Variants in GTF3C3 observed in about 807,000 individuals in gnomAD.
GTF3C3 encodes the protein general transcription factor 3C polypeptide 3.
GTF3C3 carries 75 observed loss-of-function variants against 105.2 expected under a neutral mutation model. That is an observed-to-expected ratio of 0.71 (90% CI 0.59 to 0.86). The LOEUF (loss-of-function observed/expected upper bound fraction) is 0.86. Ranked by LOEUF, GTF3C3 falls within the 40% of genes least tolerant of loss-of-function variation. GTF3C3 has a pLI of 0.00. For missense variants in GTF3C3, 856 were observed against 1,076.5 expected (o/e 0.80, Z 2.87); for synonymous variants, 335 against 370.4 (o/e 0.90, Z 1.10).
intron 8 of GTF3C3, 104 bp downstream of exon 8, chr2:196,784,747 GAACATT>G (rs1275101477): frequency 7.8e-7 from 1 of 1,286,106 alleles, no homozygotes; most frequent in Admixed American, 3.2e-5. Context: ...CTTATTATGA[GAACATT>G]AACTATCAAC....
rs1336485802 is a variant in GTF3C3 at position 196,764,546 on chromosome 2, T to G, written c.*17A>C. On this transcript the variant is annotated 3_prime_UTR_variant, in exon 18 of 18. Coordinates refer to ENST00000263956, the MANE Select transcript of GTF3C3 (RefSeq NM_012086.5). ...TCACACAGCAGCTGCCATTGCTCTGTTCTCAGTTGCGGTGCTTTATATAGA... is the reference window on the plus strand; with the variant it reads ...TCACACAGCAGCTGCCATTGCTCTGGTCTCAGTTGCGGTGCTTTATATAGA... 3 of 1,611,526 alleles carry G rather than the reference T, an allele frequency of 1.9e-6. No homozygotes were observed. Among genetic ancestry groups the G allele is most frequent in the Non-Finnish European group, 1.7e-6 (2 of 1,178,388 alleles).
chr2:196,778,139 G>C (rs1268313669), intron 10 of GTF3C3: 1 of 152,136 alleles, frequency 6.6e-6, no homozygotes, highest in Non-Finnish European at 1.5e-5. Flanking sequence ...TAATACTTAA[G>C]AGCCATTAGT....
At chr2:196,789,575 T>C (rs893340090) in intron 5 of GTF3C3, among the ~76,000 whole-genome samples, 2 of 152,214 alleles carry the variant, frequency 1.3e-5, no homozygotes, top group African/African-American at 4.8e-5. Context: ...AGTAATCTTC[T>C]TAATGTGGTC....
chr2:196,764,793 TA>T, intron 17 of GTF3C3, 108 bp from the exon 18 acceptor site: 5 of 942,080 alleles, frequency 5.3e-6, no homozygotes, highest in Non-Finnish European at 7.9e-6. Context: ...CAAAAGGTAT[TA>T]AAGCTCATGT....
Position 196,780,792 on chromosome 2 carries a change from T to TA in GTF3C3, c.1115-131dup, listed in dbSNP as rs1472027538. The TA allele has an allele frequency of 1.1e-5, 12 of 1,112,416 alleles. No individual in the cohort carries two copies. In the African/African-American group the frequency reaches 1.4e-4, roughly 13 times the overall value. The allele number at this position is 1,112,416 out of a possible 1,614,324, so 68.9% of individuals were successfully genotyped here. ...CAATTCTTAGTGTGGCCAACTCTAT[T>TA]AATAAGTTCTTATATCTCTCTCAGT... On this transcript the variant is annotated intron_variant, in intron 8 of 17. Coordinates refer to ENST00000263956, the MANE Select transcript of GTF3C3 (RefSeq NM_012086.5).
In GTF3C3 at chr2:196,773,064, G is replaced by A. The variant is rs562002510; in HGVS notation, c.1921C>T (p.Arg641Ter). 3.1e-6 allele frequency: 5 copies of A among 1,612,854 alleles called. No homozygotes were observed. Among genetic ancestry groups the A allele is most frequent in the African/African-American group, 1.3e-5 (1 of 74,966 alleles). ...ACAAGCAACTCAGCCTCTTGAAATCGGGATAGGTCACATAAGGAGTATATG... is the reference window on the plus strand; with the variant it reads ...ACAAGCAACTCAGCCTCTTGAAATCAGGATAGGTCACATAAGGAGTATATG... ...KAIYSLCDLS[R>*]FQEAELLVDS... Residue 641 changes from arginine (R) to a stop codon, truncating the protein, a stop_gained, in exon 14 of 18, where the codon CGA becomes TGA. Transcript: ENST00000263956. LOFTEE classifies it high-confidence loss of function.
chr2:196,779,320 G>T (rs1405332781), intron 9 of GTF3C3, among the ~76,000 whole-genome samples: 2 of 151,942 alleles, frequency 1.3e-5, no homozygotes, highest in Non-Finnish European at 2.9e-5. Flanking sequence ...TAGAGACAAG[G>T]TTTCACCATG....
chr2:196,781,788 G>A (rs989869187), intron 8 of GTF3C3, among the ~76,000 whole-genome samples: 3 of 152,078 alleles, frequency 2.0e-5, no homozygotes, highest in African/African-American at 7.2e-5. Flanking sequence ...CAACGAGAGA[G>A]CAGAATTTAC....
chr2:196,789,820 T>C, intron 5 of GTF3C3, 59 bp downstream of exon 5: 1 of 1,073,098 alleles, frequency 9.3e-7, no homozygotes, highest in Admixed American at 2.5e-5. Flanking sequence ...AATACAATGA[T>C]CAAAAAACCT....
chr2:196,765,781 C>T lies in GTF3C3; in HGVS notation c.2538+784G>A, dbSNP rs536577791. Reference sequence around the variant, plus strand: ...ATCCCAGCACTTTGGGAGGCTGAGGCGGGCGGATCACAAGGTCAGGAGATC... The same window carrying T: ...ATCCCAGCACTTTGGGAGGCTGAGGTGGGCGGATCACAAGGTCAGGAGATC... On this transcript the variant is annotated intron_variant, in intron 17 of 17. Coordinates refer to ENST00000263956, the MANE Select transcript of GTF3C3 (RefSeq NM_012086.5). Among the ~76,000 whole-genome samples, 30 of 151,668 alleles carry T rather than the reference C, an allele frequency of 2.0e-4. 1 individual carries two copies. Among genetic ancestry groups the T allele is most frequent in the Admixed American group, 9.2e-4 (14 of 15,242 alleles).
At chr2:196,795,041 T>C (rs1181641546) in intron 2 of GTF3C3, among the ~76,000 whole-genome samples, 3 of 150,200 alleles carry the variant, frequency 2.0e-5, no homozygotes, top group Non-Finnish European at 4.4e-5. Context: ...TTTTTTGTTT[T>C]GTTTTGTTTT....
At chr2:196,796,678 CA>C (rs1699651737) in intron 2 of GTF3C3, among the ~76,000 whole-genome samples, 1 of 152,132 alleles carries the variant, frequency 6.6e-6, no homozygotes, top group African/African-American at 2.4e-5. Flanking sequence ...ACCCCTAATC[CA>C]AAAGGCCCCA....
chr2:196,769,173 T>G (rs1699126293), intron 16 of GTF3C3, among the ~76,000 whole-genome samples: 1 of 152,164 alleles, frequency 6.6e-6, no homozygotes, highest in African/African-American at 2.4e-5. Context: ...TCATACCTAG[T>G]TTCAACTGTT....
rs1170010914 is a variant in GTF3C3 at position 196,764,387 on chromosome 2, A to T, written c.*176T>A. 3.9e-6 allele frequency: 2 copies of T among 509,496 alleles called. No homozygotes were observed. Among genetic ancestry groups the T allele is most frequent in the Non-Finnish European group, 6.5e-6 (2 of 308,650 alleles). The allele number at this position is 509,496 out of a possible 1,614,324, so 31.6% of individuals were successfully genotyped here. A position where few individuals can be genotyped will look rare whatever the true frequency, so the allele number is the denominator to read the frequency against. On this transcript the variant is annotated 3_prime_UTR_variant, in exon 18 of 18. Coordinates refer to ENST00000263956, the MANE Select transcript of GTF3C3 (RefSeq NM_012086.5). ...GACCAATATACAAATTTTTGTAGGA[A>T]TAATTTTGCATATATACCACAAGAT...
intron 9 of GTF3C3, among the ~76,000 whole-genome samples, chr2:196,779,739 GT>G (rs1223575194): frequency 6.6e-6 from 1 of 152,072 alleles, no homozygotes; most frequent in East Asian, 1.9e-4. Flanking sequence ...TTGTTTGTTT[GT>G]TTTTGAGACA....
chr2:196,773,821 G>C (rs1474087820), intron 13 of GTF3C3: 1 of 219,710 alleles, frequency 4.6e-6, no homozygotes, highest in African/African-American at 2.3e-5. Context: ...TTTACAATAG[G>C]GTTTGCACTC....
intron 2 of GTF3C3, among the ~76,000 whole-genome samples, chr2:196,794,187 G>A (rs560903150): frequency 6.6e-6 from 1 of 152,190 alleles, no homozygotes; most frequent in South Asian, 2.1e-4. Flanking sequence ...TTGGGACTCT[G>A]GAGAGTCTCC....
rs747786918 is a variant in GTF3C3 at position 196,773,082 on chromosome 2, A to G, written c.1903T>C (p.Ser635Pro). 1.2e-6 allele frequency: 2 copies of G among 1,613,006 alleles called. No homozygotes were observed. Among genetic ancestry groups the G allele is most frequent in the Non-Finnish European group, 1.7e-6 (2 of 1,179,060 alleles). ...WWNLLLKAIYSLCDLSRFQEA... is the reference protein window; with the variant it reads ...WWNLLLKAIYPLCDLSRFQEA... ...TGAAATCGGGATAGGTCACATAAGG[A>G]GTATATGGCCTTCAACAGAAGATTC... The change falls in exon 14 of 18, where the codon TCC becomes CCC. Residue 635 changes from serine (S) to proline (P), a missense_variant. Coordinates refer to ENST00000263956, the MANE Select transcript of GTF3C3 (RefSeq NM_012086.5).
In GTF3C3 at chr2:196,784,843, G is replaced by C. The variant is rs368141954; in HGVS notation, c.1114+14C>G. 1.2e-6 allele frequency: 2 copies of C among 1,602,274 alleles called. No homozygotes were observed. Among genetic ancestry groups the C allele is most frequent in the Non-Finnish European group, 1.7e-6 (2 of 1,175,550 alleles). On this transcript the variant is annotated intron_variant, in intron 8 of 17. Transcript: ENST00000263956. ...AGGATTATATACACTTTCCTAAGCA[G>C]AGGAAACTACAACCTTTATTCTCTT...
Sources: gnomAD v4.1 joint callset for allele counts (sites outside exome capture counted in the v4.1 genomes callset) on GRCh38, gnomAD v4.1.1 for gene constraint, MANE v1.5 for transcripts, NCBI Gene and HGNC (gene_info 2026-07-23, HGNC 2026-07-21) for gene names.